The following RNF150 variants were observed in gnomAD, a reference collection of about 807,000 sequenced individuals.
RNF150 encodes ring finger protein 150.
RNF150 carries 24 observed loss-of-function variants against 39.3 expected under a neutral mutation model. That is an observed-to-expected ratio of 0.61 (90% CI 0.44 to 0.86). The LOEUF is 0.86. RNF150 is among the 40% of genes least tolerant of loss of function. The pLI, the probability that RNF150 is intolerant of heterozygous loss-of-function variation, is 0.00. For synonymous variants in RNF150, 255 were observed against 227.3 expected, an observed-to-expected ratio of 1.12 and a Z score of -1.10; for missense variants, 502 against 587.8, an observed-to-expected ratio of 0.85 and a Z score of 1.51.
At chr4:141,166,281 C>T (rs1727600531) in intron 1 of RNF150, among the ~76,000 whole-genome samples, 1 of 152,108 alleles carries the variant, frequency 6.6e-6, no homozygotes, top group Non-Finnish European at 1.5e-5. Flanking sequence ...AGACCAATAA[C>T]AAATTCTGAA....
chr4:140,994,112 G>A (rs1485126005), intron 1 of RNF150, among the ~76,000 whole-genome samples: 1 of 152,150 alleles, frequency 6.6e-6, no homozygotes, highest in Non-Finnish European at 1.5e-5. Flanking sequence ...AAACATGCAT[G>A]CTTCCAGTCC....
chr4:141,107,148 A>C (rs1454007693), intron 1 of RNF150, among the ~76,000 whole-genome samples: 3 of 152,212 alleles, frequency 2.0e-5, no homozygotes, highest in Admixed American at 2.0e-4. Context: ...CTACCACATC[A>C]TATTAACTAT....
upstream of RNF150, among the ~76,000 whole-genome samples, chr4:141,137,933 T>C (rs561756698): frequency 6.6e-6 from 1 of 152,254 alleles, no homozygotes; most frequent in African/African-American, 2.4e-5. Context: ...CTCTTTGGTG[T>C]ACAGAGATCT....
chr4:140,995,746 A>G (rs80098362), intron 1 of RNF150, among the ~76,000 whole-genome samples: 11,527 of 152,114 alleles, frequency 0.076, 486 homozygotes, highest in Middle Eastern at 0.16. Context: ...TTGGTGCCCC[A>G]CTTATTTCAC....
At chr4:141,004,484 A>G in intron 1 of RNF150, among the ~76,000 whole-genome samples, 1 of 152,224 alleles carries the variant, frequency 6.6e-6, no homozygotes, top group East Asian at 1.9e-4. Context: ...CTCGAACTCT[A>G]AAGTCTATAA....
At chr4:140,986,947 C>T (rs1178717794) in intron 1 of RNF150, among the ~76,000 whole-genome samples, 1 of 151,892 alleles carries the variant, frequency 6.6e-6, no homozygotes, top group African/African-American at 2.4e-5. Context: ...AATCAATGTA[C>T]AAAAATCAGC....
chr4:140,992,222 C>T (rs1010107751), intron 1 of RNF150, among the ~76,000 whole-genome samples: 4 of 151,884 alleles, frequency 2.6e-5, no homozygotes, highest in African/African-American at 9.7e-5. Flanking sequence ...AATTGGGGAG[C>T]CAGGTGTGGT....
At chr4:141,155,999 AG>A (rs1727390115) in intron 1 of RNF150, among the ~76,000 whole-genome samples, 2 of 150,740 alleles carry the variant, frequency 1.3e-5, no homozygotes, top group African/African-American at 4.9e-5. Context: ...TGGAAGGAGG[AG>A]GAAAAAGGAG....
chr4:141,104,768 C>T (rs1448641660), intron 1 of RNF150, among the ~76,000 whole-genome samples: 1 of 152,186 alleles, frequency 6.6e-6, no homozygotes, highest in Non-Finnish European at 1.5e-5. Flanking sequence ...TCATTCAAAA[C>T]ATGAAGATTC....
chr4:141,188,926 G>A (rs918986611), intron 1 of RNF150, among the ~76,000 whole-genome samples: 4 of 152,164 alleles, frequency 2.6e-5, no homozygotes, highest in Admixed American at 2.6e-4. Context: ...CCTTGCTGGC[G>A]AGGAGTTATG....
chr4:141,022,880 C>A (rs533340404), intron 1 of RNF150, among the ~76,000 whole-genome samples: 121 of 152,284 alleles, frequency 7.9e-4, no homozygotes, highest in African/African-American at 2.7e-3. Flanking sequence ...TTGTCAAAAG[C>A]ATTCAGCTAA....
intron 1 of RNF150, among the ~76,000 whole-genome samples, chr4:141,107,375 T>G (rs1382733725): frequency 5.3e-5 from 8 of 152,206 alleles, no homozygotes; most frequent in Admixed American, 3.9e-4. Context: ...TTATTACTAT[T>G]ATTTGCATTT....
At chr4:141,137,865 G>T (rs1727050846), upstream of RNF150, among the ~76,000 whole-genome samples, 1 of 152,132 alleles carries the variant, frequency 6.6e-6, no homozygotes, top group South Asian at 2.1e-4. Context: ...GCCTTTGGGG[G>T]ACTTTCTCCA....
intron 1 of RNF150, among the ~76,000 whole-genome samples, chr4:141,030,022 C>T (rs929178868): frequency 6.6e-6 from 1 of 151,962 alleles, no homozygotes; most frequent in African/African-American, 2.4e-5. Context: ...CAGCAAAACC[C>T]CGTGCCTACT....
intron 1 of RNF150, among the ~76,000 whole-genome samples, chr4:141,131,937 G>A (rs572332451): frequency 1.3e-5 from 2 of 152,224 alleles, no homozygotes; most frequent in South Asian, 4.2e-4. Context: ...CTGATGCACA[G>A]ACCCAAGGGC....
intron 1 of RNF150, among the ~76,000 whole-genome samples, chr4:140,969,543 G>A (rs974909902): frequency 6.6e-6 from 1 of 152,032 alleles, no homozygotes; most frequent in Non-Finnish European, 1.5e-5. Context: ...TTTGTATACT[G>A]GACTAATCTG....
intron 2 of RNF150, among the ~76,000 whole-genome samples, chr4:140,959,205 A>C (rs537266347): frequency 6.6e-6 from 1 of 152,070 alleles, no homozygotes; most frequent in African/African-American, 2.4e-5. Context: ...CACCAAAACC[A>C]TTGTTAGATA....
At position 141,055,173 on chromosome 4, in the gene RNF150, G is replaced by A. The variant is rs567701075; in HGVS notation, c.484+77152C>T. ...ATACAGGCAATGTAAAATGAAGATTGGTTAGTAAGTTAGAAGATTGAAATA... is the reference window on the plus strand; with the variant it reads ...ATACAGGCAATGTAAAATGAAGATTAGTTAGTAAGTTAGAAGATTGAAATA... On this transcript the variant is annotated intron_variant, in intron 1 of 6. Coordinates refer to ENST00000515673, the MANE Select transcript of RNF150 (RefSeq NM_020724.2). Among the ~76,000 whole-genome samples the A allele has an allele frequency of 1.2e-4, 18 of 152,154 alleles. No homozygotes were observed. The South Asian group carries it at 2.1e-3, about 18-fold the overall frequency.
At chr4:140,922,129 CAGG>C (rs1731180778) in intron 5 of RNF150, among the ~76,000 whole-genome samples, 1 of 151,840 alleles carries the variant, frequency 6.6e-6, no homozygotes, top group South Asian at 2.1e-4. Flanking sequence ...GGCATTCAGG[CAGG>C]AGAAGGAAAT....
Sources: gnomAD v4.1 joint callset for allele counts (sites outside exome capture counted in the v4.1 genomes callset) on GRCh38, gnomAD v4.1.1 for gene constraint, MANE v1.5 for transcripts, NCBI Gene and HGNC (gene_info 2026-07-23, HGNC 2026-07-21) for gene names.